DTNB: variants seen among roughly 807,000 people sequenced by gnomAD.
The protein encoded by DTNB is DTN-B.
Under a neutral mutation model 90.7 loss-of-function variants are expected in DTNB, and 63 were observed. That is an observed-to-expected ratio of 0.69 (90% confidence interval 0.57 to 0.86). The LOEUF (loss-of-function observed/expected upper bound fraction) is 0.86, where lower values mean the gene tolerates loss of function less well. Ranked by LOEUF, DTNB falls within the 40% of genes least tolerant of loss-of-function variation. The pLI is 0.00. For missense variants in DTNB, 744 were observed against 807.1 expected (o/e 0.92, Z 0.95); for synonymous variants, 277 against 286.7 (o/e 0.97, Z 0.34).
rs2058290313 is a variant in DTNB at position 25,445,620 on chromosome 2, T to G, written c.1257+5928A>C. ...CGCCTGTCTGACTTCATTCCAGCATTGTTCTCTGCATTCTAGCCACAATGT... is the reference window on the plus strand; with the variant it reads ...CGCCTGTCTGACTTCATTCCAGCATGGTTCTCTGCATTCTAGCCACAATGT... On this transcript the variant is annotated intron_variant, in intron 12 of 20. Transcript: ENST00000406818. 2.0e-5 allele frequency among the ~76,000 whole-genome samples: 3 copies of G among 152,176 alleles called. No individual in the cohort carries two copies. In the South Asian group the frequency reaches 6.2e-4, roughly 31 times the overall value.
chr2:25,607,192 C>A, intron 5 of DTNB, 44 bp downstream of exon 5: 3 of 1,536,210 alleles, frequency 2.0e-6, no homozygotes, highest in East Asian at 2.4e-5. Context: ...TTTAAAAGTC[C>A]TAATTTGAAA....
chr2:25,412,231 G>T (rs932325934), intron 16 of DTNB, among the ~76,000 whole-genome samples: 1 of 152,140 alleles, frequency 6.6e-6, no homozygotes, highest in Non-Finnish European at 1.5e-5. Flanking sequence ...GATCAGAAAG[G>T]GGGGCTTCCT....
intron 9 of DTNB, among the ~76,000 whole-genome samples, chr2:25,524,533 T>C (rs1231764716): frequency 1.3e-5 from 2 of 152,002 alleles, no homozygotes; most frequent in Non-Finnish European, 2.9e-5. Flanking sequence ...TTGAAGACAT[T>C]TGTAGAACAA....
chr2:25,649,585 G>A (rs1367540134), intron 2 of DTNB, among the ~76,000 whole-genome samples: 1 of 152,070 alleles, frequency 6.6e-6, no homozygotes, highest in African/African-American at 2.4e-5. Context: ...CAGGCCTGCT[G>A]GCACACGCCT....
intron 8 of DTNB, among the ~76,000 whole-genome samples, chr2:25,558,974 A>AT (rs1307021269): frequency 6.6e-6 from 1 of 152,140 alleles, no homozygotes; most frequent in African/African-American, 2.4e-5. Context: ...CCAGGCCTCC[A>AT]TAACACCATC....
chr2:25,450,447 T>C (rs141745352), intron 12 of DTNB, among the ~76,000 whole-genome samples: 279 of 152,362 alleles, frequency 1.8e-3, no homozygotes, highest in Non-Finnish European at 2.8e-3. Context: ...TTGATTACTA[T>C]AGCTTTATAG....
intron 2 of DTNB, chr2:25,649,918 C>T (rs887037109): frequency 4.3e-5 from 28 of 656,336 alleles, no homozygotes; most frequent in Non-Finnish European, 5.3e-5. Flanking sequence ...TTCTGGTTGA[C>T]GTTGCTGGAA....
At chr2:25,528,719 T>C (rs1048459427) in intron 9 of DTNB, among the ~76,000 whole-genome samples, 14 of 152,222 alleles carry the variant, frequency 9.2e-5, no homozygotes, top group Admixed American at 7.9e-4. Context: ...AATTGTACAC[T>C]TAAAGTAGGT....
chr2:25,548,100 G>A (rs1289112919), intron 8 of DTNB, among the ~76,000 whole-genome samples: 3 of 151,910 alleles, frequency 2.0e-5, no homozygotes, highest in Admixed American at 6.5e-5. Context: ...CCATCTTTTT[G>A]TTATCGTGAT....
At chr2:25,449,304 C>T (rs750130612) in intron 12 of DTNB, among the ~76,000 whole-genome samples, 12 of 152,266 alleles carry the variant, frequency 7.9e-5, no homozygotes, top group Middle Eastern at 3.4e-3. Context: ...TCTTGTACAA[C>T]GCTTTTTGTG....
chr2:25,650,898 T>C (rs1349205174), intron 2 of DTNB, among the ~76,000 whole-genome samples: 1 of 151,846 alleles, frequency 6.6e-6, no homozygotes, highest in Non-Finnish European at 1.5e-5. Context: ...GAGGTGGAGG[T>C]TGCAGTCAGC....
At chr2:25,405,425 C>T (rs2044853326) in intron 16 of DTNB, among the ~76,000 whole-genome samples, 1 of 152,104 alleles carries the variant, frequency 6.6e-6, no homozygotes, top group African/African-American at 2.4e-5. Flanking sequence ...CCTGTAATCC[C>T]AGCTACTCGG....
intron 9 of DTNB, 76 bp downstream of exon 9, chr2:25,531,397 C>A: frequency 6.5e-7 from 1 of 1,546,604 alleles, no homozygotes; most frequent in Non-Finnish European, 8.7e-7. Context: ...TAAGTGATCC[C>A]TGGTTTTGAT....
chr2:25,652,398 G>C (rs570433566), intron 2 of DTNB, among the ~76,000 whole-genome samples, 196 bp downstream of exon 2: 2 of 152,180 alleles, frequency 1.3e-5, no homozygotes, highest in South Asian at 2.1e-4. Context: ...CCTTGTCTAA[G>C]AAAGCAAGTC....
At chr2:25,588,822 T>C (rs919434050) in intron 6 of DTNB, among the ~76,000 whole-genome samples, 8 of 152,222 alleles carry the variant, frequency 5.3e-5, no homozygotes, top group Non-Finnish European at 1.2e-4. Flanking sequence ...GAGGTATCAT[T>C]GGCTATATAT....
At chr2:25,597,517 T>C (rs1261042121) in intron 5 of DTNB, among the ~76,000 whole-genome samples, 1 of 152,062 alleles carries the variant, frequency 6.6e-6, no homozygotes, top group Admixed American at 6.5e-5. Flanking sequence ...ATACACTAAT[T>C]AAAGAAAGAT....
intron 4 of DTNB, among the ~76,000 whole-genome samples, chr2:25,613,210 A>C (rs570842846): frequency 9.9e-5 from 15 of 152,110 alleles, no homozygotes; most frequent in Admixed American, 9.2e-4. Context: ...TAGCCTCCCA[A>C]AGTGCTTGGA....
At position 25,499,032 on chromosome 2, in the gene DTNB, A is replaced by G. The variant is rs149698542; in HGVS notation, c.1002-16159T>C. Reference sequence around the variant, plus strand: ...GGAGTTTGAGACCAGCCTAGCCAACATGGTGAAACACTGTCTCTACTAAAA... The same window carrying G: ...GGAGTTTGAGACCAGCCTAGCCAACGTGGTGAAACACTGTCTCTACTAAAA... On this transcript the variant is annotated intron_variant, in intron 9 of 20. Transcript: ENST00000406818. 3.9e-3 allele frequency among the ~76,000 whole-genome samples: 588 copies of G among 152,020 alleles called. 2 individuals carry two copies. The highest frequency in any genetic ancestry group is 0.013 in the African/African-American group (548 of 41,480).
At chr2:25,638,921 A>G (rs1378770192) in intron 3 of DTNB, 93 bp downstream of exon 3, 3 of 1,241,750 alleles carry the variant, frequency 2.4e-6, no homozygotes, top group Non-Finnish European at 3.2e-6. Context: ...AAATAATTCA[A>G]TTAACATTAC....
Sources: gnomAD v4.1 joint callset for allele counts (sites outside exome capture counted in the v4.1 genomes callset) on GRCh38, gnomAD v4.1.1 for gene constraint, MANE v1.5 for transcripts, NCBI Gene and HGNC (gene_info 2026-07-23, HGNC 2026-07-21) for gene names.